Variants in RORA observed in about 807,000 individuals in gnomAD.
The protein encoded by RORA is RAR related orphan receptor A.
RORA carries 7 observed loss-of-function variants against 69.5 expected under a neutral mutation model. That is an observed-to-expected ratio of 0.10 (90% CI 0.06 to 0.19). RORA has a LOEUF of 0.19. Ranked by LOEUF, RORA falls within the 10% of genes least tolerant of loss-of-function variation. The pLI, the probability that RORA is intolerant of heterozygous loss-of-function variation, is 1.00. For synonymous variants in RORA, 261 were observed against 240.8 expected, an observed-to-expected ratio of 1.08 and a Z score of -0.78; for missense variants, 457 against 663.0, an observed-to-expected ratio of 0.69 and a Z score of 3.41.
chr15:60,926,238 A>G (rs540905303), intron 1 of RORA, among the ~76,000 whole-genome samples: 76 of 152,286 alleles, frequency 5.0e-4, no homozygotes, highest in African/African-American at 1.7e-3. Context: ...CCTCAATCCA[A>G]TGACATTTGG....
At chr15:60,684,065 G>A (rs542360931) in intron 1 of RORA, among the ~76,000 whole-genome samples, 1 of 151,880 alleles carries the variant, frequency 6.6e-6, no homozygotes, top group Non-Finnish European at 1.5e-5. Context: ...TTAGGAAATT[G>A]TCTGGGTATC....
intron 1 of RORA, among the ~76,000 whole-genome samples, chr15:61,125,878 C>T (rs555689290): frequency 1.3e-5 from 2 of 152,340 alleles, no homozygotes; most frequent in Non-Finnish European, 2.9e-5. Context: ...AAAACCATCA[C>T]ATTTCCTGTG....
intron 2 of RORA, among the ~76,000 whole-genome samples, chr15:60,594,547 A>G (rs1186690631): frequency 2.6e-5 from 4 of 152,362 alleles, no homozygotes; most frequent in Non-Finnish European, 4.4e-5. Flanking sequence ...TTAGAAAACA[A>G]TGTTTTCAAA....
At chr15:60,613,095 G>A (rs1356723933) in intron 2 of RORA, among the ~76,000 whole-genome samples, 3 of 151,624 alleles carry the variant, frequency 2.0e-5, no homozygotes, top group African/African-American at 7.3e-5. Context: ...AAACAAATGT[G>A]TTGCATAAGT....
chr15:60,741,510 G>C (rs763711218), intron 1 of RORA, among the ~76,000 whole-genome samples: 10 of 152,206 alleles, frequency 6.6e-5, no homozygotes, highest in Non-Finnish European at 1.3e-4. Flanking sequence ...ATAAAGCAGA[G>C]GATAGGGTCA....
In RORA at chr15:60,497,236, T is replaced by C; in HGVS notation, c.*219A>G. ...AGTCAAGACAGAAAAAGGGTCCATA[T>C]CTGTAGGCATAATGGAAATCATATG... On this transcript the variant is annotated 3_prime_UTR_variant, in exon 11 of 11. Coordinates refer to ENST00000335670, the MANE Select transcript of RORA (RefSeq NM_134261.3). 1 of 490,460 alleles carries C rather than the reference T, an allele frequency of 2.0e-6. No homozygotes were observed. 30.4% of individuals were successfully genotyped at this position (490,460 alleles called of 1,614,324 possible). A position where few individuals can be genotyped will look rare whatever the true frequency, so the allele number is the denominator to read the frequency against.
chr15:61,081,833 A>C (rs989484127), intron 1 of RORA, among the ~76,000 whole-genome samples: 6 of 152,014 alleles, frequency 3.9e-5, no homozygotes, highest in South Asian at 2.1e-4. Context: ...AGAAAGAAAG[A>C]AAGCTAAGTG....
intron 2 of RORA, among the ~76,000 whole-genome samples, chr15:60,649,929 G>A (rs891268920): frequency 2.0e-5 from 3 of 152,052 alleles, no homozygotes; most frequent in African/African-American, 4.8e-5. Flanking sequence ...TCCCTCTGCC[G>A]TGGAATCAAA....
At chr15:60,979,215 C>T (rs1272576588) in intron 1 of RORA, among the ~76,000 whole-genome samples, 3 of 151,298 alleles carry the variant, frequency 2.0e-5, no homozygotes, top group Admixed American at 6.6e-5. Flanking sequence ...GCACCCGCCT[C>T]AGCCTCCCAA....
At chr15:60,563,627 A>G (rs1227725800) in intron 2 of RORA, among the ~76,000 whole-genome samples, 4 of 152,202 alleles carry the variant, frequency 2.6e-5, no homozygotes, top group African/African-American at 9.7e-5. Context: ...AAACTGAGAC[A>G]GCACAGTGCT....
intron 2 of RORA, among the ~76,000 whole-genome samples, chr15:60,560,892 A>C (rs1441013684): frequency 6.6e-6 from 1 of 152,164 alleles, no homozygotes; most frequent in Non-Finnish European, 1.5e-5. Context: ...AGAGAAGTAT[A>C]TGGAATAAAA....
intron 1 of RORA, among the ~76,000 whole-genome samples, chr15:60,779,352 G>A (rs900632297): frequency 3.9e-5 from 6 of 152,116 alleles, no homozygotes; most frequent in African/African-American, 1.4e-4. Flanking sequence ...CAACCACAAG[G>A]AGTTCAGATC....
intron 1 of RORA, among the ~76,000 whole-genome samples, chr15:60,946,320 C>T (rs879773213): frequency 4.6e-5 from 7 of 152,236 alleles, no homozygotes; most frequent in Non-Finnish European, 8.8e-5. Flanking sequence ...GATGACGAGC[C>T]GAAGCGGGAC....
At position 61,229,191 on chromosome 15, in the gene RORA, G is replaced by C. The variant is rs748875618; in HGVS notation, c.28C>G (p.Pro10Ala). MESAPAAPD[P>A]AASEPGSSGA... is the part of the protein sequence containing the mutation. ...CTGCTGCCTGGCTCGCTGGCGGCGG[G>C]GTCGGGGGCTGCCGGAGCTGACTCC... Residue 10 changes from proline (P) to alanine (A), a missense_variant, in exon 1 of 11, where the codon CCC (proline) becomes GCC (alanine). Around this residue, in one of 3 missense-constraint regions of RORA, gnomAD observed 119 missense variants for 92.4 expected, o/e 1.29. Transcript: ENST00000335670. 15 of 1,552,256 alleles carry C rather than the reference G, an allele frequency of 9.7e-6. No homozygotes were observed. Among genetic ancestry groups the C allele is most frequent in the Non-Finnish European group, 5.2e-6 (6 of 1,151,596 alleles).
Position 60,511,337 on chromosome 15 carries a change from T to C in RORA, c.709A>G (p.Asn237Asp), listed in dbSNP as rs377559052. ...PSPDQSGLDI[N>D]GIKPEPICDY... ...CATATTGGTTCTGGTTTGATTCCAT[T>C]GATATCAAGACCTGACTGGTCTGGG... The change falls in exon 5 of 11, where the codon AAT becomes GAT. Residue 237 changes from asparagine to aspartate, a missense_variant. Physicochemically the swap from Asn to Asp is conservative, Grantham distance 23 (BLOSUM62 1). Around this residue, in one of 3 missense-constraint regions of RORA, gnomAD observed 304 missense variants for 447.4 expected, o/e 0.68. Coordinates refer to ENST00000335670, the MANE Select transcript of RORA (RefSeq NM_134261.3). This position sits in a 1 kb window ranked among gnomAD's most constrained non-coding sequence, Gnocchi z 6.4. The C allele has an allele frequency of 6.2e-7, 1 of 1,614,024 alleles. No individual in the cohort carries two copies. The highest frequency in any genetic ancestry group is 8.5e-7 in the Non-Finnish European group (1 of 1,180,022).
At chr15:60,782,011 G>GT in intron 1 of RORA, among the ~76,000 whole-genome samples, 1 of 152,336 alleles carries the variant, frequency 6.6e-6, no homozygotes, top group South Asian at 2.1e-4. Context: ...CGGATCACGA[G>GT]GTCAAGAGAT....
At chr15:61,048,507 T>A (rs1897144400) in intron 1 of RORA, among the ~76,000 whole-genome samples, 2 of 152,182 alleles carry the variant, frequency 1.3e-5, no homozygotes, top group Admixed American at 1.3e-4. Flanking sequence ...GGGAACTGTT[T>A]TTCCTTTTGC....
At chr15:61,221,725 T>C (rs2080098561) in intron 1 of RORA, among the ~76,000 whole-genome samples, 2 of 152,212 alleles carry the variant, frequency 1.3e-5, no homozygotes, top group Admixed American at 1.3e-4. Context: ...CTAGGTATTT[T>C]TAACACTGCA....
chr15:60,962,213 T>C (rs959052189), intron 1 of RORA, among the ~76,000 whole-genome samples: 1 of 152,214 alleles, frequency 6.6e-6, no homozygotes, highest in Admixed American at 6.5e-5. Context: ...GCTACAGAAA[T>C]TTGGCATTTC....
Sources: allele counts gnomAD v4.1 joint callset (sites outside exome capture counted in the v4.1 genomes callset), GRCh38; gene constraint gnomAD v4.1.1; regional missense constraint gnomAD v4.1.1; non-coding constraint Gnocchi (gnomAD v3.1); transcripts MANE v1.5; gene names NCBI Gene and HGNC (gene_info 2026-07-23, HGNC 2026-07-21).